The following CDC40 variants were observed in gnomAD, a reference collection of about 807,000 sequenced individuals.
CDC40 encodes pre-mRNA-processing factor 17.
Under a neutral mutation model 80.6 loss-of-function variants are expected in CDC40, and 27 were observed. That is an observed-to-expected ratio of 0.33 (90% CI 0.25 to 0.46). CDC40 has a LOEUF of 0.46. CDC40 is among the 20% of genes least tolerant of loss of function. The pLI, the probability that CDC40 is intolerant of heterozygous loss-of-function variation, is 1.00. For synonymous variants in CDC40, 221 were observed against 232.6 expected (o/e 0.95, Z 0.45); for missense variants, 486 against 694.1 (o/e 0.70, Z 3.37).
intron 3 of CDC40, among the ~76,000 whole-genome samples, chr6:110,204,680 T>TG (rs1777539756): frequency 1.3e-5 from 2 of 149,490 alleles, no homozygotes; most frequent in African/African-American, 4.9e-5. Flanking sequence ...TTTTTTTTTT[T>TG]GAGACAGGAT....
intron 10 of CDC40, among the ~76,000 whole-genome samples, chr6:110,218,345 A>C (rs967208710): frequency 2.6e-5 from 4 of 152,238 alleles, no homozygotes; most frequent in African/African-American, 9.6e-5. Context: ...CCCTTACTGC[A>C]TCTGAAGGGT....
At chr6:110,202,378 C>A (rs1777504586) in intron 3 of CDC40, among the ~76,000 whole-genome samples, 1 of 152,114 alleles carries the variant, frequency 6.6e-6, no homozygotes, top group Admixed American at 6.5e-5. Flanking sequence ...ATATGTTATA[C>A]CCATTGCTTG....
At chr6:110,195,170 C>T (rs1357929979) in intron 2 of CDC40, among the ~76,000 whole-genome samples, 1 of 152,140 alleles carries the variant, frequency 6.6e-6, no homozygotes, top group Non-Finnish European at 1.5e-5. Flanking sequence ...TATCACTTGG[C>T]AAAGTCTGGA....
chr6:110,220,692 A>C lies in CDC40; in HGVS notation c.1340+823A>C, dbSNP rs9384735. ...GATTTCCTGACCTTATGATCCGCCC[A>C]CCTTGGCCTCCCAAAGTGCTGGGAT... On this transcript the variant is annotated intron_variant, in intron 12 of 14. Coordinates refer to ENST00000307731, the MANE Select transcript of CDC40 (RefSeq NM_015891.3). Among the ~76,000 whole-genome samples the C allele has an allele frequency of 4.7e-4, 72 of 152,098 alleles. No homozygotes were observed. In the East Asian group the frequency reaches 0.013, roughly 27 times the overall value.
At chr6:110,195,220 T>C (rs957473410) in intron 2 of CDC40, among the ~76,000 whole-genome samples, 4 of 152,194 alleles carry the variant, frequency 2.6e-5, no homozygotes, top group South Asian at 4.1e-4. Context: ...AATTTTAAAT[T>C]CCTGTATTTT....
chr6:110,193,436 G>C (rs1170888862), intron 2 of CDC40, among the ~76,000 whole-genome samples, 168 bp downstream of exon 2: 1 of 151,208 alleles, frequency 6.6e-6, no homozygotes, highest in Non-Finnish European at 1.5e-5. Context: ...ACAGAGTCTC[G>C]CTCTGTCGCC....
chr6:110,192,086 C>T (rs1442503752), intron 1 of CDC40, among the ~76,000 whole-genome samples: 1 of 152,126 alleles, frequency 6.6e-6, no homozygotes, highest in Non-Finnish European at 1.5e-5. Flanking sequence ...GGCTTTTACT[C>T]TGACTGGGGA....
intron 12 of CDC40, among the ~76,000 whole-genome samples, chr6:110,220,490 C>T (rs1777756770): frequency 6.7e-6 from 1 of 148,468 alleles, no homozygotes; most frequent in East Asian, 2.0e-4. Flanking sequence ...TGCTGTGCCA[C>T]CCAGGCTGCA....
At chr6:110,181,504 C>G (rs1238453924) in intron 1 of CDC40, among the ~76,000 whole-genome samples, 1 of 152,186 alleles carries the variant, frequency 6.6e-6, no homozygotes, top group African/African-American at 2.4e-5. Context: ...ATCATGTCCC[C>G]AAGTCTAGTT....
intron 12 of CDC40, among the ~76,000 whole-genome samples, chr6:110,220,517 TC>T (rs1301523329): frequency 1.4e-5 from 2 of 138,656 alleles, no homozygotes; most frequent in Non-Finnish European, 3.0e-5. Flanking sequence ...CAATCTCAGC[TC>T]ACTGCAAGCT....
At chr6:110,183,087 G>T (rs1453248784) in intron 1 of CDC40, among the ~76,000 whole-genome samples, 1 of 152,140 alleles carries the variant, frequency 6.6e-6, no homozygotes, top group Non-Finnish European at 1.5e-5. Flanking sequence ...GAAATCCCTT[G>T]CCTAGTGCCT....
Position 110,207,510 on chromosome 6 carries a change from T to G in CDC40, c.411T>G (p.Tyr137Ter). 6.4e-7 allele frequency: 1 copy of G among 1,569,406 alleles called. No homozygotes were observed. The highest frequency in any genetic ancestry group is 8.7e-7 in the Non-Finnish European group (1 of 1,144,686). The stretch of plus-strand genomic sequence containing the variant: ...TTTTCACTTTTTTGCTTTCAGGTTA[T>G]GCATTAGACCCTTCATTAGATAATC... ...QQRRTFATYG[Y>*]ALDPSLDNHQ... The change falls in exon 4 of 15, where the codon TAT (tyrosine) becomes TAG (stop). Residue 137 changes from tyrosine to a stop codon, truncating the protein, a stop_gained. Transcript: ENST00000307731. LOFTEE classifies it high-confidence loss of function.
At chr6:110,220,319 G>T (rs148960900) in intron 12 of CDC40, among the ~76,000 whole-genome samples, 259 of 151,906 alleles carry the variant, frequency 1.7e-3, no homozygotes, top group African/African-American at 6.1e-3. Context: ...CCATGTATTA[G>T]TCTGTTTTCA....
intron 11 of CDC40, 46 bp from the exon 12 acceptor site, chr6:110,219,690 A>G: frequency 6.3e-7 from 1 of 1,591,394 alleles, no homozygotes; most frequent in Non-Finnish European, 8.6e-7. Flanking sequence ...TCTTTCATAA[A>G]TCCACTCTAC....
At chr6:110,192,159 A>T (rs535074120) in intron 1 of CDC40, among the ~76,000 whole-genome samples, 1 of 152,280 alleles carries the variant, frequency 6.6e-6, no homozygotes, top group Admixed American at 6.5e-5. Context: ...AAAGAATCAT[A>T]CTATCTCCTG....
Position 110,213,174 on chromosome 6 carries a change from A to T in CDC40, c.942+14A>T. 6.8e-7 allele frequency: 1 copy of T among 1,476,812 alleles called. No homozygotes were observed. Among genetic ancestry groups the T allele is most frequent in the Non-Finnish European group, 9.5e-7 (1 of 1,054,744 alleles). 91.5% of individuals were successfully genotyped at this position (1,476,812 alleles called of 1,614,324 possible). ...TGTAAAATTAAGGTGAGTTTTCAGT[A>T]ACAGAGTAGGAGTGCTGCAAAGCTA... On this transcript the variant is annotated intron_variant, in intron 8 of 14. Transcript: ENST00000307731.
At position 110,193,177 on chromosome 6, in the gene CDC40, T is replaced by C. The variant is rs1777373524; in HGVS notation, c.190-5T>C. The C allele has an allele frequency of 6.4e-7, 1 of 1,565,866 alleles. No individual in the cohort carries two copies. Among genetic ancestry groups the C allele is most frequent in the East Asian group, 2.2e-5 (1 of 44,632 alleles). On this transcript the variant is annotated splice_polypyrimidine_tract_variant and splice_region_variant and intron_variant, in intron 1 of 14. Coordinates refer to ENST00000307731, the MANE Select transcript of CDC40 (RefSeq NM_015891.3). ...TCATTAATATTTATTTGGTATTCTT[T>C]TTAGGAAGATTTGGAGACTGGAGTT...
intron 2 of CDC40, among the ~76,000 whole-genome samples, chr6:110,197,247 A>G (rs1368121926): frequency 6.6e-6 from 1 of 152,232 alleles, no homozygotes; most frequent in Admixed American, 6.5e-5. Context: ...TCTTGGGAAC[A>G]TCATACATAC....
chr6:110,187,054 C>A (rs1301117535), intron 1 of CDC40, among the ~76,000 whole-genome samples: 1 of 152,220 alleles, frequency 6.6e-6, no homozygotes, highest in Admixed American at 6.5e-5. Context: ...TCTCCGCTCA[C>A]TGCAAGCTCT....
Sources: gnomAD v4.1 joint callset for allele counts (sites outside exome capture counted in the v4.1 genomes callset) on GRCh38, gnomAD v4.1.1 for gene constraint, MANE v1.5 for transcripts, NCBI Gene and HGNC (gene_info 2026-07-23, HGNC 2026-07-21) for gene names.